Variants in FBXO25 observed in about 807,000 individuals in gnomAD.
The protein encoded by FBXO25 is F-box protein 25, also known as F-box only protein 25.
FBXO25 carries 45 observed loss-of-function variants against 51.9 expected under a neutral mutation model. That is an observed-to-expected ratio of 0.87 (90% confidence interval 0.68 to 1.11). The LOEUF (loss-of-function observed/expected upper bound fraction) is 1.11. Among genes scored for constraint, FBXO25 ranks in the 50% most tolerant of loss-of-function variants. FBXO25 has a pLI of 0.00. For synonymous variants in FBXO25, 199 were observed against 151.0 expected (o/e 1.32, Z -2.33); for missense variants, 507 against 428.5 (o/e 1.18, Z -1.62).
Position 470,861 on chromosome 8 carries a change from T to A in FBXO25, c.*2057T>A, listed in dbSNP as rs1324826516. The A allele has an allele frequency of 2.0e-5, 3 of 152,244 alleles. No individual in the cohort carries two copies. Among genetic ancestry groups the A allele is most frequent in the African/African-American group, 7.2e-5 (3 of 41,470 alleles). The allele number at this position is 152,244 out of a possible 1,614,324, so 9.4% of individuals were successfully genotyped here. On this transcript the variant is annotated 3_prime_UTR_variant, in exon 10 of 10. Transcript: ENST00000350302. ...ATTATCCATTTGCTTTTCTTGTTTT[T>A]GGTAAATTACTTAATGTGGTATTTG... is the stretch of plus-strand genomic sequence containing the variant.
rs143745059 is a variant in FBXO25 at position 456,619 on chromosome 8, A to G, written c.661-1750A>G. ...GTAGGAGCAAAAAACGTGTGTACAG[A>G]CAGGGCAGGACAGCACACTAGTGCA... On this transcript the variant is annotated intron_variant, in intron 7 of 9. Coordinates refer to ENST00000350302, the MANE Select transcript of FBXO25 (RefSeq NM_183420.2). Among the ~76,000 whole-genome samples, 5 of 152,274 alleles carry G rather than the reference A, an allele frequency of 3.3e-5. No homozygotes were observed. In the East Asian group the frequency reaches 9.7e-4, roughly 29 times the overall value.
chr8:457,999 G>A (rs1352382622), intron 7 of FBXO25, among the ~76,000 whole-genome samples: 7 of 152,230 alleles, frequency 4.6e-5, no homozygotes, highest in African/African-American at 9.6e-5. Context: ...CCCTCATGGT[G>A]CATTGGATTC....
In FBXO25 at chr8:431,411, A is replaced by G; in HGVS notation, c.205A>G (p.Lys69Glu). The change falls in exon 3 of 10, where the codon AAG becomes GAG. Residue 69 changes from lysine to glutamate, a missense_variant. Coordinates refer to ENST00000350302, the MANE Select transcript of FBXO25 (RefSeq NM_183420.2). ...EHEYASKKRK[K>E]DHFRNDTNTQ... ...TGAATATGCATCGAAAAAAAGGAAA[A>G]AGGACCATTTTAGAAATGACACAAA... is the stretch of plus-strand genomic sequence containing the variant. 6.5e-7 allele frequency: 1 copy of G among 1,548,714 alleles called. No homozygotes were observed. Among genetic ancestry groups the G allele is most frequent in the South Asian group, 1.2e-5 (1 of 82,782 alleles).
At chr8:456,055 T>C (rs995493278) in intron 7 of FBXO25, among the ~76,000 whole-genome samples, 1 of 152,232 alleles carries the variant, frequency 6.6e-6, no homozygotes, top group South Asian at 2.1e-4. Context: ...CCTTTAAAGT[T>C]TGTAATTTTA....
chr8:448,207 G>A (rs58379560), intron 5 of FBXO25, among the ~76,000 whole-genome samples: 14,321 of 152,160 alleles, frequency 0.094, 981 homozygotes, highest in East Asian at 0.36. Flanking sequence ...ATAATGTTCA[G>A]GAAAATTCTG....
chr8:472,914 A>G lies in FBXO25; in HGVS notation c.*4110A>G, dbSNP rs1800528202. On this transcript the variant is annotated 3_prime_UTR_variant, in exon 10 of 10. Coordinates refer to ENST00000350302, the MANE Select transcript of FBXO25 (RefSeq NM_183420.2). ...TTTTAATCTCCCTCTCTTCATTATGATGTGTGCACGTGATGGACACCACTC... is the reference window on the plus strand; with the variant it reads ...TTTTAATCTCCCTCTCTTCATTATGGTGTGTGCACGTGATGGACACCACTC... 6.6e-6 allele frequency: 1 copy of G among 152,206 alleles called. No individual in the cohort carries two copies. The highest frequency in any genetic ancestry group is 1.5e-5 in the Non-Finnish European group (1 of 68,044). The allele number at this position is 152,206 out of a possible 1,614,324, so 9.4% of individuals were successfully genotyped here. A position where few individuals can be genotyped will look rare whatever the true frequency, so the allele number is the denominator to read the frequency against.
chr8:418,865 C>G (rs7843885), intron 2 of FBXO25, among the ~76,000 whole-genome samples: 19,515 of 152,110 alleles, frequency 0.13, 1,502 homozygotes, highest in African/African-American at 0.21. Context: ...CTACTACTCA[C>G]TCTTACTGTG....
chr8:411,214 C>A (rs1005713543), intron 1 of FBXO25, among the ~76,000 whole-genome samples: 1 of 152,190 alleles, frequency 6.6e-6, no homozygotes, highest in South Asian at 2.1e-4. Flanking sequence ...AGTAATTCAG[C>A]TACCTTTCTG....
At chr8:444,368 G>A (rs1166107155) in intron 5 of FBXO25, among the ~76,000 whole-genome samples, 1 of 152,198 alleles carries the variant, frequency 6.6e-6, no homozygotes. Context: ...TTTACTCCCA[G>A]ATCCAAGGGT....
chr8:414,830 C>A (rs565478999), intron 2 of FBXO25, among the ~76,000 whole-genome samples: 1 of 152,304 alleles, frequency 6.6e-6, no homozygotes, highest in South Asian at 2.1e-4. Context: ...TCAGCACCAC[C>A]TTTTACCCCA....
chr8:458,324 C>G (rs1191421586), intron 7 of FBXO25, 45 bp from the exon 8 acceptor site: 1 of 1,589,086 alleles, frequency 6.3e-7, no homozygotes, highest in Non-Finnish European at 8.6e-7. Context: ...TGTGAACAAA[C>G]ATTGGCCATC....
chr8:443,333 T>G (rs950165266), intron 5 of FBXO25, among the ~76,000 whole-genome samples: 6 of 150,240 alleles, frequency 4.0e-5, no homozygotes, highest in Admixed American at 4.0e-4. Context: ...CCATCTTCAT[T>G]TTTCTTTAAT....
At chr8:457,137 C>T (rs541149775) in intron 7 of FBXO25, among the ~76,000 whole-genome samples, 14 of 152,296 alleles carry the variant, frequency 9.2e-5, no homozygotes, top group African/African-American at 7.2e-5. Flanking sequence ...ATCAGAAGCT[C>T]GCAGGTGAGC....
chr8:468,498 C>T (rs1476444548), intron 9 of FBXO25, among the ~76,000 whole-genome samples: 4 of 152,120 alleles, frequency 2.6e-5, no homozygotes, highest in South Asian at 2.1e-4. Flanking sequence ...GCCACCGTCT[C>T]CTGCCCTACC....
chr8:431,317 T>G, intron 2 of FBXO25, 24 bp from the exon 3 acceptor site: 1 of 1,251,248 alleles, frequency 8.0e-7, no homozygotes, highest in Non-Finnish European at 1.1e-6. Flanking sequence ...AAAAATATTT[T>G]AATAGAATGT....
chr8:452,404 C>G (rs1208785365), intron 7 of FBXO25, among the ~76,000 whole-genome samples: 1 of 148,726 alleles, frequency 6.7e-6, no homozygotes, highest in Admixed American at 6.7e-5. Context: ...TTCGCTGCCT[C>G]TTTTACTGCG....
chr8:414,820 T>A (rs1167452708), intron 2 of FBXO25, among the ~76,000 whole-genome samples: 1 of 152,152 alleles, frequency 6.6e-6, no homozygotes, highest in East Asian at 1.9e-4. Flanking sequence ...CGAGAACTAG[T>A]CAGCACCACC....
intron 7 of FBXO25, among the ~76,000 whole-genome samples, chr8:452,500 T>TGA (rs1799160456): frequency 6.6e-6 from 1 of 152,208 alleles, no homozygotes; most frequent in African/African-American, 2.4e-5. Context: ...AGTCCTAACA[T>TGA]GAGTGGCGAG....
chr8:472,636 T>G lies in FBXO25; in HGVS notation c.*3832T>G, dbSNP rs769483535. 6.6e-6 allele frequency: 1 copy of G among 152,220 alleles called. No individual in the cohort carries two copies. The highest frequency in any genetic ancestry group is 1.5e-5 in the Non-Finnish European group (1 of 68,048). The allele number at this position is 152,220 out of a possible 1,614,324, so 9.4% of individuals were successfully genotyped here. A position where few individuals can be genotyped will look rare whatever the true frequency, so the allele number is the denominator to read the frequency against. On this transcript the variant is annotated 3_prime_UTR_variant, in exon 10 of 10. Transcript: ENST00000350302. ...GTTTGTGGTGGTTTCTTGTTAATTC[T>G]TCTTTAAATGTTTGAGAGAACTCCA...
Sources: gnomAD v4.1 joint callset for allele counts (sites outside exome capture counted in the v4.1 genomes callset) on GRCh38, gnomAD v4.1.1 for gene constraint, MANE v1.5 for transcripts, NCBI Gene and HGNC (gene_info 2026-07-23, HGNC 2026-07-21) for gene names.